The following METAP1D variants were observed in gnomAD, a reference collection of about 807,000 sequenced individuals.
The protein encoded by METAP1D is methionine aminopeptidase 1D, mitochondrial.
A neutral mutation model predicts 40.5 loss-of-function variants in METAP1D; 31 were observed. That is an observed-to-expected ratio of 0.77 (90% CI 0.58 to 1.03). The LOEUF is 1.03. Among genes scored for constraint, METAP1D ranks in the 50% least tolerant of loss-of-function variants. The pLI is 0.00. For missense variants in METAP1D, 411 were observed against 420.7 expected (o/e 0.98, Z 0.20); for synonymous variants, 151 against 146.4 (o/e 1.03, Z -0.22).
intron 1 of METAP1D, among the ~76,000 whole-genome samples, chr2:172,015,697 C>T (rs576749861): frequency 2.0e-5 from 3 of 152,092 alleles, no homozygotes; most frequent in Non-Finnish European, 2.9e-5. Flanking sequence ...TGGTGGCTCA[C>T]ACTTGTAATC....
intron 1 of METAP1D, 92 bp downstream of exon 1, chr2:172,000,101 C>A (rs1688423079): frequency 3.5e-6 from 4 of 1,145,128 alleles, no homozygotes; most frequent in Admixed American, 4.2e-5. Context: ...CGCGCTCAGA[C>A]TTCTCGGCGC....
intron 1 of METAP1D, among the ~76,000 whole-genome samples, 193 bp from the exon 2 acceptor site, chr2:172,061,305 G>A (rs1690135768): frequency 6.6e-6 from 1 of 152,158 alleles, no homozygotes; most frequent in Non-Finnish European, 1.5e-5. Context: ...CATAGTATTA[G>A]CTAATAAATA....
At chr2:172,043,599 T>G (rs59067642) in intron 1 of METAP1D, among the ~76,000 whole-genome samples, 94,071 of 132,940 alleles carry the variant, frequency 0.71, 39,258 homozygotes, top group East Asian at 0.94. Context: ...AAAAATTATT[T>G]TATTTATATT....
At chr2:172,066,337 A>G in intron 5 of METAP1D, 31 bp downstream of exon 5, 8 of 1,571,698 alleles carry the variant, frequency 5.1e-6, no homozygotes, top group Non-Finnish European at 7.0e-6. Flanking sequence ...ATTGTCTTTG[A>G]TCAACTTCAG....
rs1043610368 is a variant in METAP1D, at chr2:172,081,616, G to C, written c.*1210G>C. The C allele has an allele frequency of 1.3e-5, 2 of 152,304 alleles. No homozygotes were observed. Among genetic ancestry groups the C allele is most frequent in the Non-Finnish European group, 2.9e-5 (2 of 68,090 alleles). The allele number at this position is 152,304 out of a possible 1,614,324, so 9.4% of individuals were successfully genotyped here. On this transcript the variant is annotated 3_prime_UTR_variant, in exon 10 of 10. Transcript: ENST00000315796. ...CTGAGCTCAAGGGCAGGGAGAGGCC[G>C]GGCCTCTGGCAGTCCACGAAGGAAG...
rs144403781 is a variant in METAP1D, at chr2:172,079,194, C to T, written c.803-21C>T. The T allele has an allele frequency of 3.5e-4, 567 of 1,613,570 alleles. 2 individuals carry two copies. The African/African-American group carries it at 6.2e-3, about 18-fold the overall frequency. On this transcript the variant is annotated intron_variant, in intron 7 of 9. Transcript: ENST00000315796. ...TCCTCCCCATTTCCTATTCTCACCC[C>T]CCATGTTTTTTGTTTTGCAGCAAAC...
intron 1 of METAP1D, among the ~76,000 whole-genome samples, chr2:172,024,604 C>T (rs1689082056): frequency 6.6e-6 from 1 of 152,128 alleles, no homozygotes; most frequent in Admixed American, 6.5e-5. Flanking sequence ...CGCTATATAC[C>T]TTATACTAAG....
chr2:172,076,122 C>T (rs1370742570), intron 6 of METAP1D, among the ~76,000 whole-genome samples: 1 of 151,784 alleles, frequency 6.6e-6, no homozygotes, highest in Non-Finnish European at 1.5e-5. Flanking sequence ...ATGAAGATTG[C>T]CATTGTAACA....
intron 3 of METAP1D, 25 bp from the exon 4 acceptor site, chr2:172,065,579 A>T: frequency 6.2e-7 from 1 of 1,611,052 alleles, no homozygotes; most frequent in Non-Finnish European, 8.5e-7. Flanking sequence ...TTGTTGCTGC[A>T]CAATTTCTTT....
chr2:172,035,289 C>T (rs1025594018), intron 1 of METAP1D, among the ~76,000 whole-genome samples: 1 of 152,048 alleles, frequency 6.6e-6, no homozygotes, highest in Non-Finnish European at 1.5e-5. Flanking sequence ...CTCAGCCTCC[C>T]GAGTAGCTGG....
chr2:172,001,406 C>T (rs1299816264), intron 1 of METAP1D, among the ~76,000 whole-genome samples: 6 of 151,846 alleles, frequency 4.0e-5, no homozygotes, highest in African/African-American at 7.3e-5. Context: ...GGCGTGGTGG[C>T]GCATGCCTGT....
In METAP1D at chr2:172,080,462, T is replaced by C; in HGVS notation, c.*56T>C. Reference sequence around the variant, plus strand: ...GCCTTTTTAAATAAATTGCTGAAATTTGGCTGGAGAACTTTTAGAAGAAAC... The same window carrying C: ...GCCTTTTTAAATAAATTGCTGAAATCTGGCTGGAGAACTTTTAGAAGAAAC... On this transcript the variant is annotated 3_prime_UTR_variant, in exon 10 of 10. Transcript: ENST00000315796. The C allele has an allele frequency of 6.3e-7, 1 of 1,575,290 alleles. No individual in the cohort carries two copies. Among genetic ancestry groups the C allele is most frequent in the Admixed American group, 1.7e-5 (1 of 59,902 alleles).
At chr2:172,010,850 G>T (rs1400726349) in intron 1 of METAP1D, among the ~76,000 whole-genome samples, 2 of 151,344 alleles carry the variant, frequency 1.3e-5, no homozygotes, top group Non-Finnish European at 1.5e-5. Flanking sequence ...CGCCTCCCAG[G>T]TTCAAGCGAT....
chr2:172,020,289 C>G (rs143767766), intron 1 of METAP1D, among the ~76,000 whole-genome samples: 1 of 152,160 alleles, frequency 6.6e-6, no homozygotes, highest in Non-Finnish European at 1.5e-5. Context: ...CCGGCCTAAC[C>G]TCAGTTTTAA....
At position 172,080,065 on chromosome 2, in the gene METAP1D, C is replaced by T. The variant is rs558553188; in HGVS notation, c.851-63C>T. ...GAAACTTCTCTTTTTTAATAATCAGCCGGAAACAATGTTTAACAAGAATCT... is the reference window on the plus strand; with the variant it reads ...GAAACTTCTCTTTTTTAATAATCAGTCGGAAACAATGTTTAACAAGAATCT... On this transcript the variant is annotated intron_variant, in intron 8 of 9. Coordinates refer to ENST00000315796, the MANE Select transcript of METAP1D (RefSeq NM_199227.3). The T allele has an allele frequency of 2.8e-6, 4 of 1,431,300 alleles. No individual in the cohort carries two copies. The African/African-American group carries it at 5.7e-5, about 20-fold the overall frequency. 88.7% of individuals were successfully genotyped at this position (1,431,300 alleles called of 1,614,324 possible). A position where few individuals can be genotyped will look rare whatever the true frequency, so the allele number is the denominator to read the frequency against.
At chr2:172,061,246 T>C (rs995706888) in intron 1 of METAP1D, among the ~76,000 whole-genome samples, 4 of 152,172 alleles carry the variant, frequency 2.6e-5, no homozygotes, top group Non-Finnish European at 5.9e-5. Flanking sequence ...TTTCTATATG[T>C]TTGTTTCCCG....
chr2:172,053,306 C>T (rs747568514), intron 1 of METAP1D, among the ~76,000 whole-genome samples: 13 of 152,094 alleles, frequency 8.5e-5, no homozygotes, highest in Non-Finnish European at 1.6e-4. Flanking sequence ...ATCAGCACCC[C>T]GAAAATATAT....
intron 1 of METAP1D, among the ~76,000 whole-genome samples, chr2:172,024,762 G>GTA (rs149842753): frequency 1.3e-5 from 2 of 150,430 alleles, no homozygotes; most frequent in South Asian, 2.1e-4. Context: ...GTGTGTGTGT[G>GTA]TGTGTGTGTG....
At chr2:172,032,823 G>A (rs1359601931) in intron 1 of METAP1D, among the ~76,000 whole-genome samples, 1 of 152,198 alleles carries the variant, frequency 6.6e-6, no homozygotes, top group Admixed American at 6.5e-5. Context: ...AACACGTTGG[G>A]AGGCCGAGGC....
Sources: allele counts gnomAD v4.1 joint callset (sites outside exome capture counted in the v4.1 genomes callset), GRCh38; gene constraint gnomAD v4.1.1; transcripts MANE v1.5; gene names NCBI Gene and HGNC (gene_info 2026-07-23, HGNC 2026-07-21).